The following DNAH2 variants were observed in gnomAD, a reference collection of about 807,000 sequenced individuals.
The protein encoded by DNAH2 is axonemal beta dynein heavy chain 2.
A neutral mutation model predicts 523.5 loss-of-function variants in DNAH2; 323 were observed. The observed-to-expected ratio is 0.62, with a 90% CI of 0.56 to 0.68. The LOEUF is 0.68. Among genes scored for constraint, DNAH2 ranks in the 30% least tolerant of loss-of-function variants. DNAH2 has a pLI of 0.00. For synonymous variants in DNAH2, 2,093 were observed against 2,177.4 expected (o/e 0.96, Z 1.08); for missense variants, 4,907 against 5,701.5 (o/e 0.86, Z 4.49).
At position 7,786,567 on chromosome 17, in the gene DNAH2, CAGG is replaced by C. The variant is rs1429947149; in HGVS notation, c.6349_6351del (p.Glu2117del). 1.2e-6 allele frequency: 2 copies of C among 1,612,610 alleles called. No individual in the cohort carries two copies. Among genetic ancestry groups the C allele is most frequent in the African/African-American group, 2.7e-5 (2 of 74,878 alleles). ...CTAAAACCCCTTCCGGTGTCATTTT[CAGG>C]AGTTCCCTTTGAACCCCAAGGCATT... On this transcript the variant is annotated splice_acceptor_variant and coding_sequence_variant, in exon 41 of 86. Transcript: ENST00000572933. LOFTEE classifies it high-confidence loss of function. The surrounding 1 kb of genome is among the most constrained non-coding windows in gnomAD (Gnocchi z 7.5).
chr17:7,799,255 A>T lies in DNAH2; in HGVS notation c.8699+13A>T, dbSNP rs371023007. 11 of 1,612,984 alleles carry T rather than the reference A, an allele frequency of 6.8e-6. No homozygotes were observed. The African/African-American group carries it at 1.3e-4, about 20-fold the overall frequency. On this transcript the variant is annotated intron_variant, in intron 56 of 85. Transcript: ENST00000572933. ...GGGATCCCTTCAGGTGACTTCTGTG[A>T]CATCCTTCTCTCAGCCCCTTCTGTG...
rs1459390241 is a variant in DNAH2 at position 7,786,553 on chromosome 17, T to G, written c.6349-17T>G. 2 of 1,609,428 alleles carry G rather than the reference T, an allele frequency of 1.2e-6. No individual in the cohort carries two copies. The highest frequency in any genetic ancestry group is 1.7e-6 in the Non-Finnish European group (2 of 1,176,612). On this transcript the variant is annotated splice_polypyrimidine_tract_variant and intron_variant, in intron 40 of 85. Transcript: ENST00000572933. This position sits in a 1 kb window ranked among gnomAD's most constrained non-coding sequence, Gnocchi z 7.5. Reference sequence around the variant, plus strand: ...TTGTCCATCAGCAGCTAAAACCCCTTCCGGTGTCATTTTCAGGAGTTCCCT... The same window carrying G: ...TTGTCCATCAGCAGCTAAAACCCCTGCCGGTGTCATTTTCAGGAGTTCCCT...
intron 44 of DNAH2, among the ~76,000 whole-genome samples, chr17:7,789,176 A>G (rs1256162108): frequency 6.6e-6 from 1 of 152,112 alleles, no homozygotes; most frequent in East Asian, 1.9e-4. Context: ...AAAAAACAAA[A>G]ACAAAAACAA....
intron 63 of DNAH2, among the ~76,000 whole-genome samples, chr17:7,809,112 A>G (rs2077443162): frequency 6.6e-6 from 1 of 152,170 alleles, no homozygotes; most frequent in Non-Finnish European, 1.5e-5. Flanking sequence ...TGTTGGTGCT[A>G]TCTTCATATA....
rs189810052 is a variant in DNAH2, at chr17:7,774,290, C to T, written c.4502-469C>T. Reference sequence around the variant, plus strand: ...AAGTGACTCACGGGCAGGGAACCTCCGCAGCATGGAGACGCTGGACAGAGG... The same window carrying T: ...AAGTGACTCACGGGCAGGGAACCTCTGCAGCATGGAGACGCTGGACAGAGG... On this transcript the variant is annotated intron_variant, in intron 28 of 85. Transcript: ENST00000572933. Among the ~76,000 whole-genome samples the T allele has an allele frequency of 2.2e-4, 33 of 152,222 alleles. No individual in the cohort carries two copies. The East Asian group carries it at 5.8e-3, about 27-fold the overall frequency.
rs746570114 is a variant in DNAH2, at chr17:7,778,407, G to A, written c.5479G>A (p.Val1827Ile). 1 of 1,614,226 alleles carries A rather than the reference G, an allele frequency of 6.2e-7. No homozygotes were observed. The highest frequency in any genetic ancestry group is 8.5e-7 in the Non-Finnish European group (1 of 1,180,032). Residue 1827 changes from valine to isoleucine, a missense_variant, in exon 35 of 86, where the codon GTC (valine) becomes ATC (isoleucine). By Grantham distance (29) the Val-to-Ile change is conservative. Transcript: ENST00000572933. ...GGCCCTGGGCATATATGTCATTGTGGTCAACTGCTCTGAGGGCCTGGACTA... is the reference window on the plus strand; with the variant it reads ...GGCCCTGGGCATATATGTCATTGTGATCAACTGCTCTGAGGGCCTGGACTA... ...GKALGIYVIVVNCSEGLDYKS... is the reference protein window; with the variant it reads ...GKALGIYVIVINCSEGLDYKS...
chr17:7,804,912 T>C, intron 59 of DNAH2, 46 bp from the exon 60 acceptor site: 1 of 1,546,012 alleles, frequency 6.5e-7, no homozygotes, highest in Non-Finnish European at 8.9e-7. Context: ...CTCCCACCTT[T>C]GCCCAAGGCA....
chr17:7,794,014 G>C (rs553631435), intron 48 of DNAH2, among the ~76,000 whole-genome samples: 1 of 152,222 alleles, frequency 6.6e-6, no homozygotes, highest in Admixed American at 6.5e-5. Context: ...GGATTATAAG[G>C]ATGAAATACA....
chr17:7,817,179 A>G lies in DNAH2; in HGVS notation c.9895-111A>G, dbSNP rs551881087. 13 of 1,427,316 alleles carry G rather than the reference A, an allele frequency of 9.1e-6. No individual in the cohort carries two copies. The East Asian group carries it at 3.1e-4, about 34-fold the overall frequency. The allele number at this position is 1,427,316 out of a possible 1,614,324, so 88.4% of individuals were successfully genotyped here. On this transcript the variant is annotated intron_variant, in intron 64 of 85. Coordinates refer to ENST00000572933, the MANE Select transcript of DNAH2 (RefSeq NM_020877.5). ...GGACACACAGGTTTAGGGGAGGGAAAGATCCTCTTTGAACCTGACAGTGTC... is the reference window on the plus strand; with the variant it reads ...GGACACACAGGTTTAGGGGAGGGAAGGATCCTCTTTGAACCTGACAGTGTC...
At chr17:7,725,488 A>G (rs1325787413) in intron 3 of DNAH2, among the ~76,000 whole-genome samples, 1 of 145,048 alleles carries the variant, frequency 6.9e-6, no homozygotes, top group Non-Finnish European at 1.5e-5. Flanking sequence ...GTTGGAGTGC[A>G]GTGGCGCGAT....
In DNAH2 at chr17:7,728,627, C is replaced by T. The variant is rs9895809; in HGVS notation, c.399+1335C>T. ...CAACTTTGTTGCAGGCCGTGAAAAA[C>T]GATTTGAAGAAATGAGGAGCCACAG... On this transcript the variant is annotated intron_variant, in intron 4 of 85. Coordinates refer to ENST00000572933, the MANE Select transcript of DNAH2 (RefSeq NM_020877.5). 3.9e-3 allele frequency among the ~76,000 whole-genome samples: 592 copies of T among 152,182 alleles called. 7 individuals are homozygous for T. The highest frequency in any genetic ancestry group is 0.014 in the African/African-American group (566 of 41,520).
chr17:7,756,274 CTAAT>C (rs1024691934), intron 12 of DNAH2, among the ~76,000 whole-genome samples: 5 of 151,346 alleles, frequency 3.3e-5, no homozygotes, highest in African/African-American at 1.2e-4. Flanking sequence ...AGTGAATTAA[CTAAT>C]TAATTTATTT....
At chr17:7,810,068 T>C (rs1364382188) in intron 63 of DNAH2, among the ~76,000 whole-genome samples, 1 of 82,730 alleles carries the variant, frequency 1.2e-5, no homozygotes, top group Non-Finnish European at 3.6e-5. Flanking sequence ...CTTTTTTTTC[T>C]TTTTTTTTTT....
chr17:7,760,916 G>T lies in DNAH2; in HGVS notation c.2962G>T (p.Val988Phe), dbSNP rs780209428. 5.6e-6 allele frequency: 9 copies of T among 1,613,948 alleles called. No individual in the cohort carries two copies. The East Asian group carries it at 1.3e-4, about 24-fold the overall frequency. ...CCTCAACCCTCCTGTCTCTTCTTTT[G>T]TTGCCGACATTGCCCGGTGAGTGGT... is the stretch of plus-strand genomic sequence containing the variant. ...QRLNPPVSSF[V>F]ADIARYTEVA... is the part of the protein sequence containing the mutation. The change falls in exon 18 of 86, where the codon GTT (valine) becomes TTT (phenylalanine). Residue 988 changes from valine (V) to phenylalanine (F), a missense_variant. Physicochemically the swap from Val to Phe is conservative, Grantham distance 50. Transcript: ENST00000572933. The surrounding 1 kb of genome is among the most constrained non-coding windows in gnomAD (Gnocchi z 4.0).
At chr17:7,759,171 C>T (rs1225325817) in intron 15 of DNAH2, 47 bp downstream of exon 15, 3 of 1,607,134 alleles carry the variant, frequency 1.9e-6, no homozygotes, top group African/African-American at 2.7e-5. Context: ...AACCACAGTC[C>T]CCCAGTTCCA....
At chr17:7,735,481 G>A (rs1202492831) in intron 7 of DNAH2, among the ~76,000 whole-genome samples, 1 of 148,944 alleles carries the variant, frequency 6.7e-6, no homozygotes, top group Non-Finnish European at 1.5e-5. Context: ...CAGGGTGCTG[G>A]AGGCTGAAGT....
At chr17:7,726,214 C>G (rs1172023774) in intron 3 of DNAH2, among the ~76,000 whole-genome samples, 1 of 152,018 alleles carries the variant, frequency 6.6e-6, no homozygotes, top group African/African-American at 2.4e-5. Context: ...CCATGTTGGC[C>G]AGGCTGGTCT....
At chr17:7,808,758 C>T (rs58218777) in intron 63 of DNAH2, among the ~76,000 whole-genome samples, 3,467 of 152,188 alleles carry the variant, frequency 0.023, 115 homozygotes, top group East Asian at 0.11. Context: ...TACAGGTGCC[C>T]GCCACCACGC....
At chr17:7,797,877 G>C (rs764980432) in intron 53 of DNAH2, 48 bp downstream of exon 53, 4 of 1,562,868 alleles carry the variant, frequency 2.6e-6, no homozygotes, top group Admixed American at 3.7e-5. Flanking sequence ...TCAGTGATGG[G>C]GTATGTCTAA....
Sources: gnomAD v4.1 joint callset for allele counts (sites outside exome capture counted in the v4.1 genomes callset) on GRCh38, gnomAD v4.1.1 for gene constraint, Gnocchi (gnomAD v3.1) non-coding constraint, MANE v1.5 for transcripts, NCBI Gene and HGNC (gene_info 2026-07-23, HGNC 2026-07-21) for gene names.